PUS7L: variants seen among roughly 807,000 people sequenced by gnomAD.
The protein encoded by PUS7L is pseudouridine synthase 7 like.
PUS7L carries 49 observed loss-of-function variants against 51.1 expected under a neutral mutation model. That is an observed-to-expected ratio of 0.96 (90% CI 0.76 to 1.22). The LOEUF (loss-of-function observed/expected upper bound fraction) is 1.22, where lower values mean the gene tolerates loss of function less well. Ranked by LOEUF, PUS7L falls within the 50% of genes most tolerant of loss-of-function variation. The probability of loss-of-function intolerance (pLI) is 0.00; values close to 1 mark genes in which losing one functional copy is unlikely to be tolerated. For synonymous variants in PUS7L, 277 were observed against 276.2 expected (o/e 1.00, Z -0.03); for missense variants, 828 against 820.6 (o/e 1.01, Z -0.11).
chr12:43,736,486 A>C lies in PUS7L; in HGVS notation c.1620T>G (p.Asn540Lys), dbSNP rs1289492843. 1.2e-6 allele frequency: 2 copies of C among 1,614,246 alleles called. No homozygotes were observed. The highest frequency in any genetic ancestry group is 3.3e-5 in the Admixed American group (2 of 60,030). ...TTTCAAGTCTGTAAGATACTGCCTCATTCCAAATTTTGCTGGTATATGCGT... is the reference window on the plus strand; with the variant it reads ...TTTCAAGTCTGTAAGATACTGCCTCCTTCCAAATTTTGCTGGTATATGCGT... ...YVHAYTSKIW[N>K]EAVSYRLETY... Residue 540 changes from asparagine to lysine, a missense_variant, in exon 7 of 9, where the codon AAT becomes AAG. Physicochemically the swap from Asn to Lys is moderately conservative, Grantham distance 94 (BLOSUM62 0). Transcript: ENST00000344862.
Position 43,738,348 on chromosome 12 carries a change from T to A in PUS7L, c.1406A>T (p.Asp469Val), listed in dbSNP as rs1165016087. Reference protein sequence around the residue: ...KLFLTPEDLDDPVNRAKKYFL... With the variant: ...KLFLTPEDLDVPVNRAKKYFL... ...ATACTTCTTTGCTCTATTTACAGGA[T>A]CATCCAAGTCTTCTGGTGTAAGAAA... is the stretch of plus-strand genomic sequence containing the variant. Residue 469 changes from aspartate (D) to valine (V), a missense_variant, in exon 6 of 9, where the codon GAT (aspartate) becomes GTT (valine). Coordinates refer to ENST00000344862, the MANE Select transcript of PUS7L (RefSeq NM_031292.5). 3 of 1,597,600 alleles carry A rather than the reference T, an allele frequency of 1.9e-6. No individual in the cohort carries two copies. The highest frequency in any genetic ancestry group is 2.6e-6 in the Non-Finnish European group (3 of 1,165,906).
chr12:43,745,418 T>G lies in PUS7L; in HGVS notation c.1263+628A>C, dbSNP rs182468572. ...ATAGAGGTTGTTACTCCCATGCTAT[T>G]CTCATGATAGCGAGTGAGTTCTCAC... On this transcript the variant is annotated intron_variant, in intron 4 of 8. Coordinates refer to ENST00000344862, the MANE Select transcript of PUS7L (RefSeq NM_031292.5). Among the ~76,000 whole-genome samples, 926 of 152,320 alleles carry G rather than the reference T, an allele frequency of 6.1e-3. 10 individuals carry two copies. Among genetic ancestry groups the G allele is most frequent in the African/African-American group, 0.02 (849 of 41,556 alleles).
At chr12:43,731,101 T>G (rs1398506839) in intron 8 of PUS7L, among the ~76,000 whole-genome samples, 1 of 152,206 alleles carries the variant, frequency 6.6e-6, no homozygotes, top group East Asian at 1.9e-4. Flanking sequence ...TTAAATTTTC[T>G]TATTTCTTCC....
At position 43,723,593 on chromosome 12, in the gene PUS7L, G is replaced by C. The variant is rs1944421677; in HGVS notation, c.*6783C>G. On this transcript the variant is annotated 3_prime_UTR_variant, in exon 9 of 9. Coordinates refer to ENST00000344862, the MANE Select transcript of PUS7L (RefSeq NM_031292.5). The stretch of plus-strand genomic sequence containing the variant: ...GGCATTTCAAATCAAATGAAAACAA[G>C]GGATATTAACACTGTTAATCCCTCA... The C allele has an allele frequency of 6.6e-6, 1 of 152,002 alleles. No homozygotes were observed. Among genetic ancestry groups the C allele is most frequent in the Non-Finnish European group, 1.5e-5 (1 of 67,916 alleles). 9.4% of individuals were successfully genotyped at this position (152,002 alleles called of 1,614,324 possible). A position where few individuals can be genotyped will look rare whatever the true frequency, so the allele number is the denominator to read the frequency against.
rs1565647036 is a variant in PUS7L at position 43,754,880 on chromosome 12, AG to A, written c.365del (p.Ala122ValfsTer4). ...VDGTSKCEEK[A>X]DVLSSFLDEK... ...CATCCAAAAAGGAGCTTAAAACATCAGCTTTTTCTTCACATTTGGAAGTTCC... is the reference window on the plus strand; with the variant it reads ...CATCCAAAAAGGAGCTTAAAACATCACTTTTTCTTCACATTTGGAAGTTCC... On this transcript the variant is annotated frameshift_variant, in exon 2 of 9. Transcript: ENST00000344862. LOFTEE classifies it high-confidence loss of function. 2 of 1,613,750 alleles carry A rather than the reference AG, an allele frequency of 1.2e-6. No individual in the cohort carries two copies. The highest frequency in any genetic ancestry group is 1.1e-5 in the South Asian group (1 of 91,052).
rs191910261 is a variant in PUS7L at position 43,737,282 on chromosome 12, G to A, written c.1445-621C>T. 1.8e-3 allele frequency among the ~76,000 whole-genome samples: 278 copies of A among 152,080 alleles called. 1 individual carries two copies. The highest frequency in any genetic ancestry group is 3.4e-3 in the Non-Finnish European group (231 of 67,978). The stretch of plus-strand genomic sequence containing the variant: ...ATTGCCATAAGGAAATTATCATCTC[G>A]GGACTCTATAACAGACATAAACAAG... On this transcript the variant is annotated intron_variant, in intron 6 of 8. Coordinates refer to ENST00000344862, the MANE Select transcript of PUS7L (RefSeq NM_031292.5).
Position 43,722,423 on chromosome 12 carries a change from A to G in PUS7L, c.*7953T>C, listed in dbSNP as rs1442321494. On this transcript the variant is annotated 3_prime_UTR_variant, in exon 9 of 9. Coordinates refer to ENST00000344862, the MANE Select transcript of PUS7L (RefSeq NM_031292.5). Reference sequence around the variant, plus strand: ...ATCATCAAAATAAAGAAGACATAAAAAATAGTCATCAAATGTTTTCAATGC... The same window carrying G: ...ATCATCAAAATAAAGAAGACATAAAGAATAGTCATCAAATGTTTTCAATGC... 1 of 152,094 alleles carries G rather than the reference A, an allele frequency of 6.6e-6. No individual in the cohort carries two copies. Among genetic ancestry groups the G allele is most frequent in the African/African-American group, 2.4e-5 (1 of 41,446 alleles). 9.4% of individuals were successfully genotyped at this position (152,094 alleles called of 1,614,324 possible). A position where few individuals can be genotyped will look rare whatever the true frequency, so the allele number is the denominator to read the frequency against.
At chr12:43,739,134 A>G (rs1787626386) in intron 5 of PUS7L, 1 of 152,490 alleles carries the variant, frequency 6.6e-6, no homozygotes, top group African/African-American at 2.4e-5. Flanking sequence ...ATCAAGAACC[A>G]CTCTGAGGGC....
In PUS7L at chr12:43,755,024, A is replaced by C. The variant is rs1335898741; in HGVS notation, c.222T>G (p.Asp74Glu). Residue 74 changes from aspartate to glutamate, a missense_variant, in exon 2 of 9, where the codon GAT becomes GAG. Asp to Glu is a conservative substitution (Grantham distance 45). Coordinates refer to ENST00000344862, the MANE Select transcript of PUS7L (RefSeq NM_031292.5). ...PNNFPKKPKL[D>E]LQNLSLEDGR... Reference sequence around the variant, plus strand: ...CATCTTCTAAGGACAGATTTTGAAGATCTAGTTTTGGTTTTTTGGGAAAAT... The same window carrying C: ...CATCTTCTAAGGACAGATTTTGAAGCTCTAGTTTTGGTTTTTTGGGAAAAT... 1.2e-6 allele frequency: 2 copies of C among 1,612,968 alleles called. No individual in the cohort carries two copies. Among genetic ancestry groups the C allele is most frequent in the Non-Finnish European group, 1.7e-6 (2 of 1,179,540 alleles).
intron 7 of PUS7L, among the ~76,000 whole-genome samples, chr12:43,735,265 C>T (rs1349488198): frequency 1.3e-5 from 2 of 151,082 alleles, no homozygotes; most frequent in Non-Finnish European, 2.9e-5. Context: ...TGCAGTGAGC[C>T]GAGATCGCGC....
At chr12:43,748,770 C>G (rs959889080) in intron 2 of PUS7L, among the ~76,000 whole-genome samples, 161 bp from the exon 3 acceptor site, 1 of 152,152 alleles carries the variant, frequency 6.6e-6, no homozygotes. Flanking sequence ...TGTCACCAGG[C>G]TGCAGTGCAG....
intron 2 of PUS7L, among the ~76,000 whole-genome samples, chr12:43,751,534 T>G (rs1472401402): frequency 6.6e-6 from 1 of 152,196 alleles, no homozygotes; most frequent in Non-Finnish European, 1.5e-5. Context: ...AACTCATCAT[T>G]TTTTATGGCT....
At position 43,736,431 on chromosome 12, in the gene PUS7L, A is replaced by G. The variant is rs749790068; in HGVS notation, c.1675T>C (p.Leu559=). The change falls in exon 7 of 9, where the codon TTG becomes CTG. Residue 559 remains leucine (L), a synonymous_variant. Coordinates refer to ENST00000344862, the MANE Select transcript of PUS7L (RefSeq NM_031292.5). ...TYGARVVQGD[L]VCLDEDIDDE... Reference sequence around the variant, plus strand: ...TCAATGTCTTCATCCAAACAGACCAAATCACCCTGCACTACTCTTGCTCCA... The same window carrying G: ...TCAATGTCTTCATCCAAACAGACCAGATCACCCTGCACTACTCTTGCTCCA... 1.2e-6 allele frequency: 2 copies of G among 1,614,066 alleles called. No homozygotes were observed. The highest frequency in any genetic ancestry group is 1.7e-5 in the Admixed American group (1 of 60,004).
At chr12:43,734,323 A>C (rs1944632214) in intron 7 of PUS7L, among the ~76,000 whole-genome samples, 1 of 152,212 alleles carries the variant, frequency 6.6e-6, no homozygotes, top group Non-Finnish European at 1.5e-5. Flanking sequence ...CAAAGGTGTA[A>C]GCTAGACTGG....
rs1187918187 is a variant in PUS7L, at chr12:43,726,004, A to C, written c.*4372T>G. The C allele has an allele frequency of 6.6e-6, 1 of 152,182 alleles. No homozygotes were observed. Among genetic ancestry groups the C allele is most frequent in the Non-Finnish European group, 1.5e-5 (1 of 68,028 alleles). 9.4% of individuals were successfully genotyped at this position (152,182 alleles called of 1,614,324 possible). On this transcript the variant is annotated 3_prime_UTR_variant, in exon 9 of 9. Transcript: ENST00000344862. ...AAAAAATCAAGGTGTTTTAATTTTA[A>C]TATTAGTAAAAGACCTCAATTTGTT...
At position 43,728,658 on chromosome 12, in the gene PUS7L, T is replaced by G. The variant is rs906292544; in HGVS notation, c.*1718A>C. On this transcript the variant is annotated 3_prime_UTR_variant, in exon 9 of 9. Coordinates refer to ENST00000344862, the MANE Select transcript of PUS7L (RefSeq NM_031292.5). ...CCAAAACATATAACAAAAAAAACTTTTTAGTATTAAAAAAAATCCAAATAC... is the reference window on the plus strand; with the variant it reads ...CCAAAACATATAACAAAAAAAACTTGTTAGTATTAAAAAAAATCCAAATAC... 6.6e-6 allele frequency: 1 copy of G among 151,370 alleles called. No homozygotes were observed. Among genetic ancestry groups the G allele is most frequent in the Non-Finnish European group, 1.5e-5 (1 of 67,498 alleles). The allele number at this position is 151,370 out of a possible 1,614,324, so 9.4% of individuals were successfully genotyped here.
rs1944416748 is a variant in PUS7L, at chr12:43,723,159, T to C, written c.*7217A>G. The C allele has an allele frequency of 6.6e-6, 1 of 152,144 alleles. No individual in the cohort carries two copies. 9.4% of individuals were successfully genotyped at this position (152,144 alleles called of 1,614,324 possible). A position where few individuals can be genotyped will look rare whatever the true frequency, so the allele number is the denominator to read the frequency against. ...TGACTTCTTTCCATAGTAAAATTTT[T>C]CTTTTGTAAGAGATGGCCTATGTAC... On this transcript the variant is annotated 3_prime_UTR_variant, in exon 9 of 9. Transcript: ENST00000344862.
In PUS7L at chr12:43,742,305, C is replaced by A. The variant is rs1046351605; in HGVS notation, c.1362+152G>T. ...TTGTAATGTGATATCAAGGACAGAGCAGCAGCTTACTAAATGTTCAGTAAT... is the reference window on the plus strand; with the variant it reads ...TTGTAATGTGATATCAAGGACAGAGAAGCAGCTTACTAAATGTTCAGTAAT... On this transcript the variant is annotated intron_variant, in intron 5 of 8. Coordinates refer to ENST00000344862, the MANE Select transcript of PUS7L (RefSeq NM_031292.5). 6 of 579,804 alleles carry A rather than the reference C, an allele frequency of 1.0e-5. No homozygotes were observed. In the African/African-American group the frequency reaches 1.1e-4, roughly 11 times the overall value. The allele number at this position is 579,804 out of a possible 1,614,324, so 35.9% of individuals were successfully genotyped here.
chr12:43,730,651 C>A lies in PUS7L; in HGVS notation c.1831G>T (p.Gly611Trp). 5 of 1,613,500 alleles carry A rather than the reference C, an allele frequency of 3.1e-6. No individual in the cohort carries two copies. Among genetic ancestry groups the A allele is most frequent in the Non-Finnish European group, 4.2e-6 (5 of 1,179,618 alleles). ...CTAAGTATGTCATGGTACCACTGCC[C>A]TACTTTGTTCTTCGGGTACTGAATA... ...YNIQYPKNKV[G>W]QWYHDILSRD... Residue 611 changes from glycine (G) to tryptophan (W), a missense_variant, in exon 9 of 9, where the codon GGG (glycine) becomes TGG (tryptophan). Transcript: ENST00000344862.
Sources: allele counts gnomAD v4.1 joint callset (sites outside exome capture counted in the v4.1 genomes callset), GRCh38; gene constraint gnomAD v4.1.1; transcripts MANE v1.5; gene names NCBI Gene and HGNC (gene_info 2026-07-23, HGNC 2026-07-21).